Variants in ABTB3 observed in about 807,000 individuals in gnomAD.
ABTB3 encodes ankyrin repeat- and BTB/POZ domain-containing protein 3.
the ABTB3 span, among the ~76,000 whole-genome samples, chr12:107,546,581 A>G: frequency 6.6e-6 from 1 of 152,200 alleles, no homozygotes; most frequent in Admixed American, 6.5e-5. Flanking sequence ...TGATGTCTAC[A>G]CGGTATCCTT....
the ABTB3 span, among the ~76,000 whole-genome samples, chr12:107,516,517 A>C: frequency 6.6e-6 from 1 of 152,250 alleles, no homozygotes; most frequent in South Asian, 2.1e-4. Context: ...CAGGCGTGAG[A>C]CACCACACCC....
the ABTB3 span, among the ~76,000 whole-genome samples, chr12:107,466,125 GA>G: frequency 6.6e-6 from 1 of 152,128 alleles, no homozygotes; most frequent in African/African-American, 2.4e-5. Flanking sequence ...TGCTTTGGGG[GA>G]AAGTCTTAGT....
chr12:107,522,128 CTCT>C, the ABTB3 span, among the ~76,000 whole-genome samples: 1 of 151,940 alleles, frequency 6.6e-6, no homozygotes, highest in African/African-American at 2.4e-5. Context: ...GAAGGTATTC[CTCT>C]TCTTATAAGT....
chr12:107,357,912 C>T, the ABTB3 span, among the ~76,000 whole-genome samples: 25 of 152,328 alleles, frequency 1.6e-4, no homozygotes, highest in African/African-American at 5.8e-4. Flanking sequence ...CCCATGTTGT[C>T]GATCCCTTAC....
chr12:107,626,262 G>GTATGTC, the ABTB3 span, among the ~76,000 whole-genome samples: 1 of 150,462 alleles, frequency 6.6e-6, no homozygotes, highest in African/African-American at 2.4e-5. Context: ...TTAGGGAAAA[G>GTATGTC]TATGTCTATT....
chr12:107,633,898 T>G, the ABTB3 span, among the ~76,000 whole-genome samples: 6 of 152,348 alleles, frequency 3.9e-5, no homozygotes, highest in Admixed American at 2.0e-4. Flanking sequence ...AGCATTTACA[T>G]TTCTAATAAG....
the ABTB3 span, among the ~76,000 whole-genome samples, chr12:107,399,697 T>C: frequency 1.3e-5 from 2 of 152,196 alleles, no homozygotes; most frequent in Non-Finnish European, 2.9e-5. Context: ...TTACTTTAAG[T>C]TCTGGCTACA....
the ABTB3 span, among the ~76,000 whole-genome samples, chr12:107,507,279 G>A: frequency 1.3e-5 from 2 of 152,170 alleles, no homozygotes; most frequent in Admixed American, 6.5e-5. Context: ...GGTGTTGAGA[G>A]TCCAGGGAAG....
chr12:107,348,043 A>G, the ABTB3 span, among the ~76,000 whole-genome samples: 1 of 152,098 alleles, frequency 6.6e-6, no homozygotes, highest in African/African-American at 2.4e-5. Flanking sequence ...GGGTTTTGAA[A>G]GATGAATAGT....
the ABTB3 span, among the ~76,000 whole-genome samples, chr12:107,386,500 G>A: frequency 2.0e-5 from 3 of 152,192 alleles, no homozygotes; most frequent in African/African-American, 7.2e-5. Context: ...CTTTATAACT[G>A]TAAAGCCGTC....
At chr12:107,508,349 G>A in the ABTB3 span, among the ~76,000 whole-genome samples, 2 of 150,356 alleles carry the variant, frequency 1.3e-5, no homozygotes, top group Admixed American at 6.6e-5. Flanking sequence ...TTGATATAGA[G>A]TAAGGTAGAC....
At chr12:107,555,027 C>T in the ABTB3 span, among the ~76,000 whole-genome samples, 1 of 152,176 alleles carries the variant, frequency 6.6e-6, no homozygotes, top group Non-Finnish European at 1.5e-5. Flanking sequence ...CTGCAGTTTG[C>T]TGAAATGAGT....
At chr12:107,385,740 G>A in the ABTB3 span, among the ~76,000 whole-genome samples, 5 of 152,110 alleles carry the variant, frequency 3.3e-5, no homozygotes, top group African/African-American at 7.2e-5. Flanking sequence ...CAACAGCTAC[G>A]TGCACCCCCC....
At chr12:107,499,634 CCTT>C in the ABTB3 span, among the ~76,000 whole-genome samples, 1 of 151,780 alleles carries the variant, frequency 6.6e-6, no homozygotes, top group African/African-American at 2.4e-5. Flanking sequence ...AAGGTGAAGG[CCTT>C]CTTCATATGG....
chr12:107,428,928 G>A, the ABTB3 span, among the ~76,000 whole-genome samples: 6 of 152,176 alleles, frequency 3.9e-5, no homozygotes, highest in Admixed American at 6.5e-5. Flanking sequence ...AATGGAGGCC[G>A]AGAGAGGCGA....
At chr12:107,338,810 A>G in the ABTB3 span, among the ~76,000 whole-genome samples, 1 of 152,180 alleles carries the variant, frequency 6.6e-6, no homozygotes, top group Non-Finnish European at 1.5e-5. Flanking sequence ...GAGCATTTTA[A>G]TTAATTAACA....
chr12:107,529,142 G>A, the ABTB3 span, among the ~76,000 whole-genome samples: 36 of 150,904 alleles, frequency 2.4e-4, no homozygotes, highest in Admixed American at 5.3e-4. Flanking sequence ...TGGTGATGGC[G>A]ATAATGACGG....
the ABTB3 span, among the ~76,000 whole-genome samples, chr12:107,649,046 A>G: frequency 4.7e-4 from 71 of 152,146 alleles, no homozygotes; most frequent in Non-Finnish European, 8.5e-4. Flanking sequence ...TCTCCCCTTA[A>G]GGTAGTGAGC....
At chr12:107,349,310 A>G in the ABTB3 span, among the ~76,000 whole-genome samples, 1 of 152,208 alleles carries the variant, frequency 6.6e-6, no homozygotes, top group Admixed American at 6.6e-5. Flanking sequence ...CTTTCCCAAG[A>G]GGAGGAATGT....
Sources: allele counts gnomAD v4.1 joint callset (sites outside exome capture counted in the v4.1 genomes callset), GRCh38; gene constraint gnomAD v4.1.1; transcripts MANE v1.5; gene names NCBI Gene and HGNC (gene_info 2026-07-23, HGNC 2026-07-21).